OPA1: variants seen among roughly 807,000 people sequenced by gnomAD.
OPA1 encodes OPA1 mitochondrial dynamin like GTPase.
In OPA1, 59 loss-of-function variants were observed where a neutral mutation model predicts 152.9. The ratio of observed to expected loss-of-function variants is 0.39; its 90% CI spans 0.31 to 0.48. OPA1 has a LOEUF of 0.48. Ranked by LOEUF, OPA1 falls within the 20% of genes least tolerant of loss-of-function variation. OPA1 has a pLI of 0.96. For missense variants in OPA1, 1,008 were observed against 1,216.8 expected (o/e 0.83, Z 2.55); for synonymous variants, 400 against 389.9 (o/e 1.03, Z -0.31).
chr3:193,647,249 T>C, intron 19 of OPA1, 69 bp downstream of exon 19: 4 of 906,412 alleles, frequency 4.4e-6, no homozygotes, highest in Non-Finnish European at 7.1e-6. Context: ...TTGGCATCCA[T>C]ACGATTCTGT....
intron 11 of OPA1, among the ~76,000 whole-genome samples, chr3:193,639,559 C>T (rs531318875): frequency 1.3e-5 from 2 of 152,128 alleles, no homozygotes; most frequent in Admixed American, 6.5e-5. Flanking sequence ...GTGGTCAGGT[C>T]GGGGTGAAGA....
chr3:193,656,801 A>G (rs796448209), intron 22 of OPA1, among the ~76,000 whole-genome samples: 19 of 152,270 alleles, frequency 1.2e-4, no homozygotes, highest in African/African-American at 3.9e-4. Context: ...TTTATATGAA[A>G]TCTCTCAATT....
chr3:193,651,075 A>G (rs1022937166), intron 21 of OPA1, among the ~76,000 whole-genome samples: 1 of 152,192 alleles, frequency 6.6e-6, no homozygotes, highest in South Asian at 2.1e-4. Context: ...TGGCTTTAAC[A>G]TAAATGGGGG....
chr3:193,679,012 TAGAAAATACTTCCATGTAC>T (rs1303013440), intron 29 of OPA1, among the ~76,000 whole-genome samples: 3 of 152,070 alleles, frequency 2.0e-5, no homozygotes, highest in African/African-American at 7.2e-5. Flanking sequence ...CATTCAGGAC[TAGAAAATACTTCCATGTAC>T]AGAAAACCAA....
intron 29 of OPA1, among the ~76,000 whole-genome samples, chr3:193,686,638 T>G (rs1327140245): frequency 6.6e-6 from 1 of 152,188 alleles, no homozygotes; most frequent in African/African-American, 2.4e-5. Context: ...CACCCTAGAT[T>G]CATTTAAATA....
chr3:193,691,347 G>C (rs1218142879), intron 29 of OPA1: 1 of 152,230 alleles, frequency 6.6e-6, no homozygotes, highest in Admixed American at 6.5e-5. Flanking sequence ...ATTTCAGAGA[G>C]TATATATTTC....
chr3:193,646,738 A>C (rs1333333430), intron 18 of OPA1, among the ~76,000 whole-genome samples: 1 of 152,194 alleles, frequency 6.6e-6, no homozygotes, highest in Non-Finnish European at 1.5e-5. Context: ...ACGCCACTGC[A>C]CTCCAGCCCG....
intron 29 of OPA1, among the ~76,000 whole-genome samples, chr3:193,680,851 ACT>A (rs1001087549): frequency 2.6e-4 from 39 of 152,094 alleles, no homozygotes; most frequent in African/African-American, 9.2e-4. Context: ...AAATAATGTA[ACT>A]CTTTTTTGAG....
At chr3:193,646,386 C>G (rs1048030737) in intron 18 of OPA1, 1 of 153,016 alleles carries the variant, frequency 6.5e-6, no homozygotes, top group African/African-American at 2.4e-5. Flanking sequence ...ACTGTGCTGT[C>G]TAATATGGTA....
rs186129702 is a variant in OPA1 at position 193,666,646 on chromosome 3, G to A, written c.2872+257G>A. Among the ~76,000 whole-genome samples, 20 of 152,110 alleles carry A rather than the reference G, an allele frequency of 1.3e-4. No individual in the cohort carries two copies. The East Asian group carries it at 3.3e-3, about 25-fold the overall frequency. ...CTACAAACAATAAAATAAATTAGCCGGGCATGGTGGCACACATCTGTAGTT... is the reference window on the plus strand; with the variant it reads ...CTACAAACAATAAAATAAATTAGCCAGGCATGGTGGCACACATCTGTAGTT... On this transcript the variant is annotated intron_variant, in intron 28 of 30. Coordinates refer to ENST00000361510, the MANE Select transcript of OPA1 (RefSeq NM_130837.3).
In OPA1 at chr3:193,686,622, C is replaced by T. The variant is rs1426710456; in HGVS notation, c.2984-5441C>T. Among the ~76,000 whole-genome samples, 5 of 151,538 alleles carry T rather than the reference C, an allele frequency of 3.3e-5. No homozygotes were observed. The East Asian group carries it at 9.6e-4, about 29-fold the overall frequency. On this transcript the variant is annotated intron_variant, in intron 29 of 30. Coordinates refer to ENST00000361510, the MANE Select transcript of OPA1 (RefSeq NM_130837.3). Reference sequence around the variant, plus strand: ...TTTACCTTTTTTCCTTTTTTTGTTTCCCCCACACCCTAGATTCATTTAAAT... The same window carrying T: ...TTTACCTTTTTTCCTTTTTTTGTTTTCCCCACACCCTAGATTCATTTAAAT...
At chr3:193,625,163 C>T (rs939397269) in intron 6 of OPA1, among the ~76,000 whole-genome samples, 1 of 151,870 alleles carries the variant, frequency 6.6e-6, no homozygotes, top group African/African-American at 2.4e-5. Context: ...TAAAGCTATG[C>T]AGGAAATGAC....
chr3:193,593,362 C>G lies in OPA1; in HGVS notation c.-16C>G. On this transcript the variant is annotated 5_prime_UTR_variant, in exon 1 of 31. Coordinates refer to ENST00000361510, the MANE Select transcript of OPA1 (RefSeq NM_130837.3). ...CGTGGCCGTCTCGGCGCCTGCGTGA[C>G]CTCCCCGCCGGCGGGATGTGGCGAC... 1.3e-6 allele frequency: 2 copies of G among 1,545,050 alleles called. No homozygotes were observed. The highest frequency in any genetic ancestry group is 2.4e-5 in the South Asian group (2 of 83,430).
At chr3:193,608,960 G>A (rs548785342) in intron 1 of OPA1, among the ~76,000 whole-genome samples, 185 of 152,140 alleles carry the variant, frequency 1.2e-3, no homozygotes, top group African/African-American at 4.2e-3. Context: ...TTATGTAATG[G>A]CCTTCTTTGT....
intron 1 of OPA1, among the ~76,000 whole-genome samples, chr3:193,613,361 A>G (rs1224098741): frequency 3.3e-5 from 5 of 152,160 alleles, no homozygotes; most frequent in African/African-American, 1.2e-4. Context: ...CAATACTTAA[A>G]AAAAAAATTT....
intron 1 of OPA1, chr3:193,596,965 T>C (rs1040341567): frequency 6.6e-6 from 1 of 152,278 alleles, no homozygotes; most frequent in Non-Finnish European, 1.5e-5. Flanking sequence ...CACACTGAGA[T>C]CAAATAAGTC....
chr3:193,611,095 G>A (rs562568561), intron 1 of OPA1, among the ~76,000 whole-genome samples: 2 of 152,312 alleles, frequency 1.3e-5, no homozygotes, highest in Non-Finnish European at 2.9e-5. Flanking sequence ...ACCTCAGTTG[G>A]AAATGCAGAA....
intron 11 of OPA1, 25 bp from the exon 12 acceptor site, chr3:193,642,740 C>T: frequency 1.3e-6 from 2 of 1,497,062 alleles, no homozygotes; most frequent in Admixed American, 1.7e-5. Context: ...TACATCATTA[C>T]CTCTCAGTTT....
In OPA1 at chr3:193,637,666, G is replaced by T. The variant is rs74588018; in HGVS notation, c.1036-286G>T. On this transcript the variant is annotated intron_variant, in intron 10 of 30. Transcript: ENST00000361510. ...TAAACAGTAAACTAGCTATGGAAAA[G>T]ATTTATGGAAAGTTAATAACCTGGT... Among the ~76,000 whole-genome samples the T allele has an allele frequency of 3.1e-3, 465 of 152,232 alleles. 3 individuals carry two copies. Among genetic ancestry groups the T allele is most frequent in the South Asian group, 0.017 (80 of 4,818 alleles).
Sources: allele counts gnomAD v4.1 joint callset (sites outside exome capture counted in the v4.1 genomes callset), GRCh38; gene constraint gnomAD v4.1.1; transcripts MANE v1.5; gene names NCBI Gene and HGNC (gene_info 2026-07-23, HGNC 2026-07-21).